Variants in LARS2 observed in about 807,000 individuals in gnomAD.
The protein encoded by LARS2 is leucyl-tRNA synthetase 2, mitochondrial.
Under a neutral mutation model 116.6 loss-of-function variants are expected in LARS2, and 81 were observed. The observed-to-expected ratio is 0.69, with a 90% CI of 0.58 to 0.84. The LOEUF is 0.84. LARS2 is among the 40% of genes least tolerant of loss of function. The probability of loss-of-function intolerance (pLI) is 0.00; values close to 1 mark genes in which losing one functional copy is unlikely to be tolerated. For synonymous variants in LARS2, 396 were observed against 407.2 expected, an observed-to-expected ratio of 0.97 and a Z score of 0.33; for missense variants, 968 against 1,114.5, an observed-to-expected ratio of 0.87 and a Z score of 1.87.
At chr3:45,408,082 C>T (rs2125680161) in intron 4 of LARS2, among the ~76,000 whole-genome samples, 1 of 152,366 alleles carries the variant, frequency 6.6e-6, no homozygotes, top group Non-Finnish European at 1.5e-5. Flanking sequence ...CCCCCCGTCC[C>T]CAGGCAATAA....
intron 18 of LARS2, among the ~76,000 whole-genome samples, chr3:45,518,316 T>TG (rs1368603996): frequency 6.6e-6 from 1 of 152,210 alleles, no homozygotes; most frequent in Non-Finnish European, 1.5e-5. Flanking sequence ...TCTCTGATGA[T>TG]GTCTCACATT....
intron 7 of LARS2, 121 bp from the exon 8 acceptor site, chr3:45,458,622 G>C: frequency 1.1e-6 from 1 of 908,060 alleles, no homozygotes; most frequent in Non-Finnish European, 1.7e-6. Flanking sequence ...AGGAGGTGGA[G>C]GTTGCAGTGA....
At chr3:45,494,840 G>A (rs1278059907) in intron 13 of LARS2, among the ~76,000 whole-genome samples, 3 of 152,212 alleles carry the variant, frequency 2.0e-5, no homozygotes, top group Non-Finnish European at 4.4e-5. Context: ...GGCTGAGGCA[G>A]GCGGATCACT....
intron 15 of LARS2, among the ~76,000 whole-genome samples, chr3:45,504,646 A>T (rs1328248106): frequency 6.6e-6 from 1 of 151,844 alleles, no homozygotes; most frequent in African/African-American, 2.4e-5. Flanking sequence ...TGCATTTCTT[A>T]TGTCTGGAAA....
intron 6 of LARS2, among the ~76,000 whole-genome samples, chr3:45,439,002 T>C (rs1220668039): frequency 6.6e-6 from 1 of 152,110 alleles, no homozygotes; most frequent in Non-Finnish European, 1.5e-5. Context: ...GTACTGAGTG[T>C]CTGATCTTCA....
intron 9 of LARS2, 86 bp from the exon 10 acceptor site, chr3:45,476,382 G>A (rs947831631): frequency 8.0e-6 from 11 of 1,383,390 alleles, no homozygotes; most frequent in Non-Finnish European, 1.1e-5. Flanking sequence ...GGAATGAGGA[G>A]GGAAGGGGAA....
At chr3:45,427,723 C>T (rs1026064364) in intron 6 of LARS2, among the ~76,000 whole-genome samples, 8 of 152,136 alleles carry the variant, frequency 5.3e-5, no homozygotes, top group Admixed American at 5.2e-4. Context: ...AGAGGCTTGG[C>T]TCAACATGTG....
chr3:45,489,704 C>T (rs1365000998), intron 12 of LARS2, among the ~76,000 whole-genome samples: 3 of 152,164 alleles, frequency 2.0e-5, no homozygotes, highest in Non-Finnish European at 4.4e-5. Context: ...GCTTAGAGCA[C>T]TCTTAAACTT....
rs564825768 is a variant in LARS2 at position 45,510,489 on chromosome 3, A to G, written c.1761-2646A>G. On this transcript the variant is annotated intron_variant, in intron 15 of 21. Transcript: ENST00000645846. ...TTACCTAAATACACAATAAAATGTA[A>G]TAGCTGCTAGATACAATTACAGGCA... 1.1e-3 allele frequency among the ~76,000 whole-genome samples: 160 copies of G among 152,198 alleles called. 3 individuals are homozygous for G. Among genetic ancestry groups the G allele is most frequent in the Non-Finnish European group, 2.1e-3 (141 of 68,026 alleles).
intron 13 of LARS2, among the ~76,000 whole-genome samples, chr3:45,494,465 C>G (rs1559487265): frequency 6.6e-6 from 1 of 152,180 alleles, no homozygotes; most frequent in Non-Finnish European, 1.5e-5. Context: ...CCAATAACAC[C>G]CAAAGACTTA....
chr3:45,513,312 G>A (rs1008535990), intron 16 of LARS2, 77 bp downstream of exon 16: 3 of 955,388 alleles, frequency 3.1e-6, no homozygotes, highest in Non-Finnish European at 5.1e-6. Flanking sequence ...TGAGCAAGCA[G>A]GCATCTGCCT....
At chr3:45,415,855 A>C (rs1468746503) in intron 4 of LARS2, among the ~76,000 whole-genome samples, 2 of 105,524 alleles carry the variant, frequency 1.9e-5, no homozygotes, top group Non-Finnish European at 3.6e-5. Flanking sequence ...CTCAAAAAAA[A>C]AAAAAATATA....
intron 4 of LARS2, among the ~76,000 whole-genome samples, chr3:45,401,316 A>G (rs1698144782): frequency 6.6e-6 from 1 of 151,974 alleles, no homozygotes; most frequent in Non-Finnish European, 1.5e-5. Flanking sequence ...AGCCTGAGCA[A>G]TGTAGCAAAA....
intron 20 of LARS2, among the ~76,000 whole-genome samples, chr3:45,531,677 C>T (rs1204491010): frequency 6.6e-6 from 1 of 152,170 alleles, no homozygotes. Flanking sequence ...AGCCACTGCA[C>T]CCAGCCTACT....
chr3:45,436,507 G>A (rs755301823), intron 6 of LARS2, among the ~76,000 whole-genome samples: 8 of 152,186 alleles, frequency 5.3e-5, no homozygotes, highest in African/African-American at 9.6e-5. Context: ...TAGAAAAGCC[G>A]TTTGTGGCCG....
intron 19 of LARS2, among the ~76,000 whole-genome samples, 160 bp downstream of exon 19, chr3:45,520,456 T>C (rs1700435423): frequency 6.6e-6 from 1 of 152,194 alleles, no homozygotes; most frequent in South Asian, 2.1e-4. Context: ...AGTCACAACC[T>C]AGTTTTATGC....
At chr3:45,470,772 T>C (rs1423085888) in intron 8 of LARS2, among the ~76,000 whole-genome samples, 1 of 152,070 alleles carries the variant, frequency 6.6e-6, no homozygotes, top group Non-Finnish European at 1.5e-5. Context: ...TGGGAGTCGA[T>C]AGGGAAGTAT....
At chr3:45,487,618 A>G (rs1224115265) in intron 11 of LARS2, among the ~76,000 whole-genome samples, 1 of 152,112 alleles carries the variant, frequency 6.6e-6, no homozygotes, top group Non-Finnish European at 1.5e-5. Flanking sequence ...ACATTTGGCA[A>G]TTTTGGAAAC....
At chr3:45,415,896 GAGAGA>G (rs1559461423) in intron 4 of LARS2, among the ~76,000 whole-genome samples, 1 of 81,024 alleles carries the variant, frequency 1.2e-5, no homozygotes, top group Non-Finnish European at 2.8e-5. Context: ...GAGAGAGGGA[GAGAGA>G]GAGAGAGAGA....
Sources: gnomAD v4.1 joint callset for allele counts (sites outside exome capture counted in the v4.1 genomes callset) on GRCh38, gnomAD v4.1.1 for gene constraint, MANE v1.5 for transcripts, NCBI Gene and HGNC (gene_info 2026-07-23, HGNC 2026-07-21) for gene names.